Variants in ANKS1A observed in about 807,000 individuals in gnomAD.
The protein encoded by ANKS1A is ankyrin repeat and SAM domain-containing protein 1A.
A neutral mutation model predicts 120.3 loss-of-function variants in ANKS1A; 55 were observed. The observed-to-expected ratio is 0.46, with a 90% CI of 0.37 to 0.57. The LOEUF (loss-of-function observed/expected upper bound fraction) is 0.57, where lower values mean the gene tolerates loss of function less well. ANKS1A is among the 20% of genes least tolerant of loss of function. The pLI is 0.00. For missense variants in ANKS1A, 1,123 were observed against 1,480.3 expected (o/e 0.76, Z 3.96); for synonymous variants, 590 against 604.7 (o/e 0.98, Z 0.36).
At chr6:34,981,569 G>A (rs1024076581) in intron 3 of ANKS1A, 121 bp from the exon 4 acceptor site, 3 of 1,074,342 alleles carry the variant, frequency 2.8e-6, no homozygotes, top group Admixed American at 2.5e-5. Context: ...ACTTTTATTA[G>A]CCCCCAAGTG....
chr6:35,069,931 G>A (rs1776991634), intron 13 of ANKS1A, among the ~76,000 whole-genome samples: 1 of 150,304 alleles, frequency 6.7e-6, no homozygotes, highest in African/African-American at 2.4e-5. Flanking sequence ...GGAGGCTGAG[G>A]CAGGAGAATC....
intron 10 of ANKS1A, among the ~76,000 whole-genome samples, chr6:35,010,454 C>T (rs557592867): frequency 2.6e-5 from 4 of 152,298 alleles, no homozygotes; most frequent in African/African-American, 7.2e-5. Flanking sequence ...GGGAGAATGG[C>T]ACTTTAAAGA....
At chr6:34,902,758 G>A (rs71567470) in intron 1 of ANKS1A, among the ~76,000 whole-genome samples, 79 of 147,984 alleles carry the variant, frequency 5.3e-4, no homozygotes, top group African/African-American at 1.8e-3. Context: ...AGCCAAAATC[G>A]CGCCATTGTA....
chr6:35,029,858 A>G lies in ANKS1A; in HGVS notation c.2010+11799A>G, dbSNP rs150488178. On this transcript the variant is annotated intron_variant, in intron 11 of 23. Coordinates refer to ENST00000360359, the MANE Select transcript of ANKS1A (RefSeq NM_015245.3). ...ATATATATAGTTACATATTCTATAT[A>G]TATACACACACACAAACACATAATT... Among the ~76,000 whole-genome samples the G allele has an allele frequency of 2.5e-3, 377 of 150,214 alleles. 1 individual carries two copies. The highest frequency in any genetic ancestry group is 8.4e-3 in the African/African-American group (345 of 41,232).
intron 1 of ANKS1A, among the ~76,000 whole-genome samples, chr6:34,898,961 A>G (rs960424227): frequency 6.6e-6 from 1 of 152,122 alleles, no homozygotes; most frequent in Non-Finnish European, 1.5e-5. Context: ...ATGCATGTGG[A>G]TAAGTTTGTG....
Position 34,981,941 on chromosome 6 carries a change from C to G in ANKS1A, c.687C>G (p.Ala229=). Residue 229 remains alanine (A), a synonymous_variant, in exon 4 of 24, where the codon GCC becomes GCG. Coordinates refer to ENST00000360359, the MANE Select transcript of ANKS1A (RefSeq NM_015245.3). ...LHLAARNGHK[A]VVQVLLDAGM... ...TGGCAGCAAGGAATGGCCACAAAGC[C>G]GTGGTCCAGGTCCTCCTCGATGCTG... is the stretch of plus-strand genomic sequence containing the variant. 6.2e-7 allele frequency: 1 copy of G among 1,614,148 alleles called. No individual in the cohort carries two copies. The highest frequency in any genetic ancestry group is 1.1e-5 in the South Asian group (1 of 91,084).
chr6:34,940,743 T>C (rs1049950629), intron 1 of ANKS1A, among the ~76,000 whole-genome samples: 8 of 151,824 alleles, frequency 5.3e-5, no homozygotes, highest in African/African-American at 1.5e-4. Flanking sequence ...ACCCCGTCTC[T>C]ACTAAAATAC....
chr6:34,895,195 G>GTTT lies in ANKS1A; in HGVS notation c.197+5609_197+5611dup, dbSNP rs34450807. 2.9e-4 allele frequency among the ~76,000 whole-genome samples: 40 copies of GTTT among 138,020 alleles called. No individual in the cohort carries two copies. The East Asian group carries it at 8.1e-3, about 28-fold the overall frequency. 90.5% of individuals were successfully genotyped at this position (138,020 alleles called of 152,430 possible). A position where few individuals can be genotyped will look rare whatever the true frequency, so the allele number is the denominator to read the frequency against. On this transcript the variant is annotated intron_variant, in intron 1 of 23. Transcript: ENST00000360359. ...TCCTAATATTTATTTAAGGACTTTG[G>GTTT]TTTTTTTTTTTTTTTAATTAAAAAA...
chr6:35,022,571 AGAG>A (rs1183655765), intron 11 of ANKS1A, among the ~76,000 whole-genome samples: 1 of 152,226 alleles, frequency 6.6e-6, no homozygotes, highest in South Asian at 2.1e-4. Context: ...GCTCAGCCTA[AGAG>A]GAGATCTGAA....
At chr6:34,998,636 AC>A (rs1470985277) in intron 10 of ANKS1A, among the ~76,000 whole-genome samples, 1 of 151,852 alleles carries the variant, frequency 6.6e-6, no homozygotes, top group East Asian at 1.9e-4. Flanking sequence ...CCTGTCACGT[AC>A]CCCCTGCTTG....
At chr6:34,895,844 CG>C (rs200445086) in intron 1 of ANKS1A, among the ~76,000 whole-genome samples, 10,278 of 127,834 alleles carry the variant, frequency 0.08, 570 homozygotes, top group East Asian at 0.25. Flanking sequence ...GGCTGGAGTG[CG>C]ATGGCACGAT....
At chr6:35,075,574 C>A (rs946447643) in intron 13 of ANKS1A, among the ~76,000 whole-genome samples, 2 of 152,060 alleles carry the variant, frequency 1.3e-5, no homozygotes, top group East Asian at 3.9e-4. Flanking sequence ...CGCCACCACA[C>A]CTGGATAATT....
At position 35,084,366 on chromosome 6, in the gene ANKS1A, C is replaced by T; in HGVS notation, c.3132+108C>T. On this transcript the variant is annotated intron_variant, in intron 21 of 23. Transcript: ENST00000360359. This position sits in a 1 kb window ranked among gnomAD's most constrained non-coding sequence, Gnocchi z 4.8. ...GCGCTGTCCTGGCCCCTGGCCAGTG[C>T]CTGGCAAATGTTTGGTTCATGAATG... 6.9e-7 allele frequency: 1 copy of T among 1,445,440 alleles called. No individual in the cohort carries two copies. The highest frequency in any genetic ancestry group is 9.2e-7 in the Non-Finnish European group (1 of 1,087,894). 89.5% of individuals were successfully genotyped at this position (1,445,440 alleles called of 1,614,324 possible). A position where few individuals can be genotyped will look rare whatever the true frequency, so the allele number is the denominator to read the frequency against.
At position 34,898,963 on chromosome 6, in the gene ANKS1A, A is replaced by G. The variant is rs1245227547; in HGVS notation, c.197+9364A>G. Among the ~76,000 whole-genome samples the G allele has an allele frequency of 2.0e-5, 3 of 152,286 alleles. No individual in the cohort carries two copies. The East Asian group carries it at 5.8e-4, about 29-fold the overall frequency. ...CTCTGTGATGAACATGCATGTGGAT[A>G]AGTTTGTGTGTACATTCTGCTTATA... On this transcript the variant is annotated intron_variant, in intron 1 of 23. Transcript: ENST00000360359.
At chr6:35,070,018 C>T (rs1776996892) in intron 13 of ANKS1A, among the ~76,000 whole-genome samples, 1 of 102,264 alleles carries the variant, frequency 9.8e-6, no homozygotes, top group African/African-American at 3.6e-5. Flanking sequence ...CAGAGCAAGA[C>T]TCTGTCAAAA....
At chr6:35,028,316 A>C (rs1581668737) in intron 11 of ANKS1A, among the ~76,000 whole-genome samples, 1 of 152,184 alleles carries the variant, frequency 6.6e-6, no homozygotes, top group African/African-American at 2.4e-5. Flanking sequence ...GTGGCAGAGG[A>C]CTGGCATCCC....
At chr6:34,974,985 C>T (rs1227159917) in intron 3 of ANKS1A, among the ~76,000 whole-genome samples, 1 of 152,144 alleles carries the variant, frequency 6.6e-6, no homozygotes, top group African/African-American at 2.4e-5. Context: ...ATTTAGTGAG[C>T]TTATAAAGCT....
Position 35,089,141 on chromosome 6 carries a change from C to T in ANKS1A, c.*532C>T. 1 of 1,008,272 alleles carries T rather than the reference C, an allele frequency of 9.9e-7. No individual in the cohort carries two copies. Among genetic ancestry groups the T allele is most frequent in the Non-Finnish European group, 1.2e-6 (1 of 841,990 alleles). 62.5% of individuals were successfully genotyped at this position (1,008,272 alleles called of 1,614,324 possible). On this transcript the variant is annotated 3_prime_UTR_variant, in exon 24 of 24. Coordinates refer to ENST00000360359, the MANE Select transcript of ANKS1A (RefSeq NM_015245.3). ...AATTGAGTACGGTGCGTCTGCTTTT[C>T]AAACCCAACCATATCAGCTGCTGCT...
At chr6:35,049,803 C>T (rs1775883625) in intron 11 of ANKS1A, among the ~76,000 whole-genome samples, 1 of 152,226 alleles carries the variant, frequency 6.6e-6, no homozygotes, top group Non-Finnish European at 1.5e-5. Context: ...TTCCTGCTCT[C>T]CTGATATTTG....
Sources: allele counts gnomAD v4.1 joint callset (sites outside exome capture counted in the v4.1 genomes callset), GRCh38; gene constraint gnomAD v4.1.1; non-coding constraint Gnocchi (gnomAD v3.1); transcripts MANE v1.5; gene names NCBI Gene and HGNC (gene_info 2026-07-23, HGNC 2026-07-21).